The following RNF122 variants were observed in gnomAD, a reference collection of about 807,000 sequenced individuals.
The protein encoded by RNF122 is ring finger protein 122.
In RNF122, 17 loss-of-function variants were observed where a neutral mutation model predicts 24.2. The observed-to-expected ratio is 0.70, with a 90% CI of 0.48 to 1.06. RNF122 has a LOEUF of 1.06. Ranked by LOEUF, RNF122 falls within the 50% of genes least tolerant of loss-of-function variation. RNF122 has a pLI of 0.00. For synonymous variants in RNF122, 65 were observed against 71.8 expected (o/e 0.91, Z 0.48); for missense variants, 168 against 198.1 (o/e 0.85, Z 0.91).
intron 2 of RNF122, among the ~76,000 whole-genome samples, chr8:33,557,571 T>C (rs1810474297): frequency 6.7e-6 from 1 of 149,708 alleles, no homozygotes; most frequent in African/African-American, 2.5e-5. Flanking sequence ...GGGGTTGCAG[T>C]GAGCCAAGGC....
intron 4 of RNF122, among the ~76,000 whole-genome samples, chr8:33,550,767 G>A (rs1242836884): frequency 6.6e-6 from 1 of 152,218 alleles, no homozygotes; most frequent in African/African-American, 2.4e-5. Flanking sequence ...CCATCCTCCT[G>A]GTAAAAATTA....
At chr8:33,551,871 C>T (rs1810381309) in intron 2 of RNF122, among the ~76,000 whole-genome samples, 1 of 152,186 alleles carries the variant, frequency 6.6e-6, no homozygotes, top group Admixed American at 6.5e-5. Context: ...CACACTCTTC[C>T]CTTCACTGTG....
rs185093757 is a variant in RNF122, at chr8:33,550,958, G to A, written c.270+86C>T. On this transcript the variant is annotated intron_variant, in intron 4 of 5. Transcript: ENST00000256257. ...GAAGGCATGGACTAAGCAGTTTTCT[G>A]AAAAGCGTCCAGGCAGAGAACTGGA... is the stretch of plus-strand genomic sequence containing the variant. The A allele has an allele frequency of 6.6e-6, 9 of 1,355,712 alleles. No homozygotes were observed. The Admixed American group carries it at 1.0e-4, about 15-fold the overall frequency. The allele number at this position is 1,355,712 out of a possible 1,614,324, so 84.0% of individuals were successfully genotyped here. A position where few individuals can be genotyped will look rare whatever the true frequency, so the allele number is the denominator to read the frequency against.
At chr8:33,556,242 G>A (rs868365131) in intron 2 of RNF122, among the ~76,000 whole-genome samples, 4 of 146,030 alleles carry the variant, frequency 2.7e-5, no homozygotes, top group Non-Finnish European at 4.5e-5. Flanking sequence ...GTTGATTTAC[G>A]AAATGAACTC....
At chr8:33,566,492 C>T (rs1389623531) in intron 1 of RNF122, among the ~76,000 whole-genome samples, 1 of 152,208 alleles carries the variant, frequency 6.6e-6, no homozygotes, top group Non-Finnish European at 1.5e-5. Context: ...CCGGAGGCCC[C>T]TTCCAGGCTC....
At chr8:33,557,352 G>A (rs563872815) in intron 2 of RNF122, among the ~76,000 whole-genome samples, 6 of 152,212 alleles carry the variant, frequency 3.9e-5, no homozygotes, top group African/African-American at 9.6e-5. Context: ...ACCAGAGGCC[G>A]AGCACGAGGG....
At chr8:33,550,991 G>A in intron 4 of RNF122, 53 bp downstream of exon 4, 1 of 1,560,610 alleles carries the variant, frequency 6.4e-7, no homozygotes, top group Non-Finnish European at 8.8e-7. Context: ...GGAGCAAGGT[G>A]CTGTCTGCCT....
At chr8:33,553,687 G>A (rs1159773338) in intron 2 of RNF122, among the ~76,000 whole-genome samples, 1 of 152,254 alleles carries the variant, frequency 6.6e-6, no homozygotes, top group Non-Finnish European at 1.5e-5. Flanking sequence ...GTGGAAGGGG[G>A]TGGGGTGAGA....
At chr8:33,562,414 T>C (rs1219247549) in intron 1 of RNF122, among the ~76,000 whole-genome samples, 1 of 150,820 alleles carries the variant, frequency 6.6e-6, no homozygotes, top group African/African-American at 2.4e-5. Flanking sequence ...TGGTGGTAAG[T>C]GCCTATAATC....
At position 33,566,960 on chromosome 8, in the gene RNF122, C is replaced by T. The variant is rs902854257; in HGVS notation, c.-237G>A. 2 of 541,968 alleles carry T rather than the reference C, an allele frequency of 3.7e-6. No individual in the cohort carries two copies. Among genetic ancestry groups the T allele is most frequent in the South Asian group, 4.1e-5 (2 of 49,104 alleles). 33.6% of individuals were successfully genotyped at this position (541,968 alleles called of 1,614,324 possible). A position where few individuals can be genotyped will look rare whatever the true frequency, so the allele number is the denominator to read the frequency against. ...CAAAGTCCCGCGGAGCACAGCCGCA[C>T]GGAGCGCACGCGCCAAGGGCCCCGG... is the stretch of plus-strand genomic sequence containing the variant. On this transcript the variant is annotated 5_prime_UTR_variant, in exon 1 of 6. In the 5' UTR this introduces an upstream ATG that the reference lacks. Transcript: ENST00000256257.
chr8:33,548,895 C>T, intron 5 of RNF122, 28 bp from the exon 6 acceptor site: 1 of 1,489,640 alleles, frequency 6.7e-7, no homozygotes, highest in Non-Finnish European at 9.4e-7. Flanking sequence ...ATGGTAATCT[C>T]TAACCAGACA....
chr8:33,559,236 T>C (rs554069970), intron 1 of RNF122, among the ~76,000 whole-genome samples: 13 of 151,476 alleles, frequency 8.6e-5, no homozygotes, highest in Admixed American at 7.2e-4. Flanking sequence ...AGCCCAGGAG[T>C]ACAAGGCTGC....
chr8:33,556,356 C>G (rs1014476516), intron 2 of RNF122, among the ~76,000 whole-genome samples: 1 of 152,122 alleles, frequency 6.6e-6, no homozygotes, highest in Non-Finnish European at 1.5e-5. Context: ...TCAAGCGACT[C>G]TCCTGCCTTG....
rs889406556 is a variant in RNF122, at chr8:33,548,113, T to G, written c.*640A>C. 2.0e-5 allele frequency: 3 copies of G among 151,812 alleles called. No individual in the cohort carries two copies. The highest frequency in any genetic ancestry group is 4.4e-5 in the Non-Finnish European group (3 of 67,998). The allele number at this position is 151,812 out of a possible 1,614,324, so 9.4% of individuals were successfully genotyped here. On this transcript the variant is annotated 3_prime_UTR_variant, in exon 6 of 6. Transcript: ENST00000256257. ...GAGATTAACTGAGGAAGAGACTGAA[T>G]GGATAGCACCGTGGGTCCTGGCAGG...
chr8:33,550,924 A>C, intron 4 of RNF122, 120 bp downstream of exon 4: 1 of 896,620 alleles, frequency 1.1e-6, no homozygotes, highest in Non-Finnish European at 1.9e-6. Flanking sequence ...ATTTGGCCAA[A>C]GGAGATATGA....
chr8:33,565,122 C>T (rs1419808941), intron 1 of RNF122, among the ~76,000 whole-genome samples: 1 of 152,282 alleles, frequency 6.6e-6, no homozygotes, highest in East Asian at 1.9e-4. Context: ...GGAACTGCTT[C>T]TCTTTCCCAG....
chr8:33,557,399 G>C (rs1442789740), intron 2 of RNF122, among the ~76,000 whole-genome samples: 3 of 152,156 alleles, frequency 2.0e-5, no homozygotes, highest in Admixed American at 6.5e-5. Flanking sequence ...GGAGGCCGAG[G>C]GGGGTGGATG....
chr8:33,551,280 T>G, intron 3 of RNF122, 64 bp downstream of exon 3: 1 of 1,592,890 alleles, frequency 6.3e-7, no homozygotes. Flanking sequence ...GAGCCTGCCC[T>G]CCTTGCCTCT....
intron 1 of RNF122, among the ~76,000 whole-genome samples, chr8:33,566,083 C>T (rs1013936715): frequency 6.6e-6 from 1 of 152,122 alleles, no homozygotes; most frequent in African/African-American, 2.4e-5. Context: ...GAACTCCCGA[C>T]TTCAGGTGAT....
Sources: allele counts gnomAD v4.1 joint callset (sites outside exome capture counted in the v4.1 genomes callset), GRCh38; gene constraint gnomAD v4.1.1; transcripts MANE v1.5; gene names NCBI Gene and HGNC (gene_info 2026-07-23, HGNC 2026-07-21).